The following EYS variants were observed in gnomAD, a reference collection of about 807,000 sequenced individuals.
EYS encodes protein eyes shut homolog.
A neutral mutation model predicts 282.1 loss-of-function variants in EYS; 250 were observed. That is an observed-to-expected ratio of 0.89 (90% CI 0.80 to 0.98). The LOEUF (loss-of-function observed/expected upper bound fraction) is 0.98, where lower values mean the gene tolerates loss of function less well. Among genes scored for constraint, EYS ranks in the 50% least tolerant of loss-of-function variants. EYS has a pLI of 0.00. For synonymous variants in EYS, 1,355 were observed against 1,282.9 expected (o/e 1.06, Z -1.20); for missense variants, 4,016 against 3,709.0 (o/e 1.08, Z -2.15).
At chr6:63,846,689 A>G (rs1183269916) in intron 36 of EYS, among the ~76,000 whole-genome samples, 1 of 152,308 alleles carries the variant, frequency 6.6e-6, no homozygotes, top group East Asian at 1.9e-4. Context: ...TAATCTACTC[A>G]CACACCAGTT....
chr6:65,458,620 G>T (rs751431969), intron 5 of EYS, among the ~76,000 whole-genome samples: 9 of 152,104 alleles, frequency 5.9e-5, no homozygotes, highest in Non-Finnish European at 1.0e-4. Context: ...TAATAGAATT[G>T]CTCAGAAATA....
rs555374355 is a variant in EYS, at chr6:65,200,852, C to T, written c.2023+95011G>A. On this transcript the variant is annotated intron_variant, in intron 12 of 42. Coordinates refer to ENST00000503581, the MANE Select transcript of EYS (RefSeq NM_001142800.2). ...TAGTAATAAAATCAAATAAACTGAA[C>T]AAATAGAAGAAAAATTAGGGAATAG... 1.0e-3 allele frequency among the ~76,000 whole-genome samples: 154 copies of T among 151,746 alleles called. 1 individual carries two copies. Among genetic ancestry groups the T allele is most frequent in the Non-Finnish European group, 1.9e-3 (130 of 67,898 alleles).
At chr6:64,918,300 T>A (rs1419449954) in intron 15 of EYS, among the ~76,000 whole-genome samples, 1 of 152,052 alleles carries the variant, frequency 6.6e-6, no homozygotes, top group Non-Finnish European at 1.5e-5. Context: ...TATGAGAAGA[T>A]TGATATGGGT....
intron 8 of EYS, among the ~76,000 whole-genome samples, chr6:65,361,105 G>C (rs184853771): frequency 1.1e-5 from 1 of 91,442 alleles, no homozygotes; most frequent in South Asian, 4.2e-4. Flanking sequence ...GCAAACTATC[G>C]CAAGGACAAA....
intron 13 of EYS, among the ~76,000 whole-genome samples, chr6:65,007,084 G>C (rs1583389755): frequency 1.3e-5 from 2 of 152,188 alleles, no homozygotes; most frequent in East Asian, 1.9e-4. Context: ...CAGCATCCTG[G>C]ATCCCTTTTT....
chr6:65,251,251 A>G (rs1024009711), intron 12 of EYS, among the ~76,000 whole-genome samples: 35 of 151,830 alleles, frequency 2.3e-4, no homozygotes, highest in African/African-American at 8.2e-4. Context: ...AATAGCATCA[A>G]TTTTATAAAA....
intron 12 of EYS, among the ~76,000 whole-genome samples, chr6:65,088,183 G>A (rs1581898239): frequency 1.3e-5 from 2 of 152,266 alleles, no homozygotes; most frequent in Middle Eastern, 3.4e-3. Flanking sequence ...TGTGAGAATG[G>A]ACTAATACAG....
intron 22 of EYS, among the ~76,000 whole-genome samples, chr6:64,762,287 A>G (rs1773184118): frequency 6.6e-6 from 1 of 152,216 alleles, no homozygotes; most frequent in South Asian, 2.1e-4. Flanking sequence ...GAACAACCTC[A>G]CTTAACAAGT....
rs537375982 is a variant in EYS at position 64,916,562 on chromosome 6, G to T, written c.2382-3819C>A. Among the ~76,000 whole-genome samples the T allele has an allele frequency of 2.7e-4, 41 of 152,296 alleles. 1 individual carries two copies. Among genetic ancestry groups the T allele is most frequent in the African/African-American group, 9.9e-4 (41 of 41,562 alleles). On this transcript the variant is annotated intron_variant, in intron 15 of 42. Coordinates refer to ENST00000503581, the MANE Select transcript of EYS (RefSeq NM_001142800.2). ...AGAGAAGCTAGTGTTTGATGGGTGG[G>T]AAAAGGAAAACATATTTGATGTGAG...
At chr6:64,213,100 G>C (rs1765829101) in intron 31 of EYS, among the ~76,000 whole-genome samples, 2 of 152,088 alleles carry the variant, frequency 1.3e-5, no homozygotes, top group South Asian at 4.1e-4. Context: ...GGTGCAGAGT[G>C]GGAAGAGGGA....
chr6:64,042,888 T>C (rs1349259189), intron 33 of EYS, among the ~76,000 whole-genome samples: 6 of 152,166 alleles, frequency 3.9e-5, no homozygotes. Context: ...CCTCATGTCA[T>C]AAACTTTTCT....
chr6:64,327,095 T>A (rs1241493945), intron 29 of EYS, among the ~76,000 whole-genome samples: 1 of 151,978 alleles, frequency 6.6e-6, no homozygotes, highest in Non-Finnish European at 1.5e-5. Flanking sequence ...GGAGAGACCA[T>A]CATGGGGCGT....
chr6:63,947,744 T>C (rs1248847094), intron 35 of EYS, among the ~76,000 whole-genome samples: 4 of 152,162 alleles, frequency 2.6e-5, no homozygotes, highest in Non-Finnish European at 4.4e-5. Flanking sequence ...TAATAAGCAA[T>C]TAGAAAAAAA....
intron 11 of EYS, chr6:65,302,439 C>T: frequency 3.2e-6 from 2 of 632,288 alleles, no homozygotes; most frequent in South Asian, 3.9e-5. Context: ...ACCCATTTCA[C>T]GAGGACTTGG....
At chr6:64,877,193 C>G (rs1173096022) in intron 19 of EYS, among the ~76,000 whole-genome samples, 1 of 152,076 alleles carries the variant, frequency 6.6e-6, no homozygotes, top group East Asian at 1.9e-4. Flanking sequence ...AAGAATAACT[C>G]CACAGTTTTG....
chr6:65,549,154 C>T (rs1423581973), intron 2 of EYS, among the ~76,000 whole-genome samples: 1 of 152,150 alleles, frequency 6.6e-6, no homozygotes, highest in South Asian at 2.1e-4. Context: ...GGACACAAAC[C>T]GGCACTGGTC....
intron 22 of EYS, among the ~76,000 whole-genome samples, chr6:64,694,024 A>T (rs955626388): frequency 1.3e-5 from 2 of 152,198 alleles, no homozygotes; most frequent in South Asian, 4.1e-4. Context: ...ACAGATTCAC[A>T]TCAATGAATA....
intron 23 of EYS, among the ~76,000 whole-genome samples, chr6:64,624,076 GA>G (rs1188721037): frequency 6.6e-6 from 1 of 152,140 alleles, no homozygotes; most frequent in Non-Finnish European, 1.5e-5. Context: ...ACTAAGTTGT[GA>G]AGAGTGTAAG....
intron 31 of EYS, among the ~76,000 whole-genome samples, chr6:64,222,894 T>C (rs565156801): frequency 1.3e-5 from 2 of 152,036 alleles, no homozygotes; most frequent in Non-Finnish European, 2.9e-5. Context: ...GTAATTTGTT[T>C]TAGTCTTATA....
Sources: gnomAD v4.1 joint callset for allele counts (sites outside exome capture counted in the v4.1 genomes callset) on GRCh38, gnomAD v4.1.1 for gene constraint, MANE v1.5 for transcripts, NCBI Gene and HGNC (gene_info 2026-07-23, HGNC 2026-07-21) for gene names.